The following STK32A variants were observed in gnomAD, a reference collection of about 807,000 sequenced individuals.
The protein encoded by STK32A is serine/threonine kinase 32A.
In STK32A, 41 loss-of-function variants were observed where a neutral mutation model predicts 53.2. The observed-to-expected ratio is 0.77, with a 90% CI of 0.60 to 1.00. The LOEUF is 1.00. STK32A is among the 50% of genes least tolerant of loss of function. The pLI, the probability that STK32A is intolerant of heterozygous loss-of-function variation, is 0.00. For missense variants in STK32A, 458 were observed against 485.8 expected, an observed-to-expected ratio of 0.94 and a Z score of 0.54; for synonymous variants, 166 against 162.8, an observed-to-expected ratio of 1.02 and a Z score of -0.15.
intron 2 of STK32A, among the ~76,000 whole-genome samples, chr5:147,259,858 C>T (rs10074974): frequency 0.3 from 41,827 of 137,172 alleles, 6,357 homozygotes; most frequent in Admixed American, 0.37. Context: ...CTCCTCTCTC[C>T]CTCTCTTCTG....
chr5:147,314,498 C>CAAAA lies in STK32A; in HGVS notation c.261-9395_261-9392dup, dbSNP rs1171767950. Among the ~76,000 whole-genome samples the CAAAA allele has an allele frequency of 1.2e-3, 13 of 10,612 alleles. 2 individuals are homozygous for CAAAA. The highest frequency in any genetic ancestry group is 8.7e-3 in the African/African-American group (13 of 1,502). The allele number at this position is 10,612 out of a possible 152,430, so 7.0% of individuals were successfully genotyped here. ...GGGCAACAAGAGCGAAACTCCATAT[C>CAAAA]AAAAAAAACAAAAAAAAACAAAAAA... On this transcript the variant is annotated intron_variant, in intron 4 of 12. Coordinates refer to ENST00000397936, the MANE Select transcript of STK32A (RefSeq NM_001112724.2).
chr5:147,348,370 T>G (rs920332935), intron 6 of STK32A, among the ~76,000 whole-genome samples: 1 of 152,224 alleles, frequency 6.6e-6, no homozygotes, highest in African/African-American at 2.4e-5. Context: ...TCAAACTTTA[T>G]TAGGTCTCAT....
At chr5:147,306,562 A>G (rs114271513) in intron 4 of STK32A, among the ~76,000 whole-genome samples, 4,824 of 150,904 alleles carry the variant, frequency 0.032, 278 homozygotes, top group African/African-American at 0.11. Flanking sequence ...TATTATATAT[A>G]ATATTTTATA....
rs1466622672 is a variant in STK32A at position 147,260,086 on chromosome 5, CCTCTGT to C, written c.53-18022_53-18017del. On this transcript the variant is annotated intron_variant, in intron 2 of 12. Transcript: ENST00000397936. Reference sequence around the variant, plus strand: ...TCCCCTCTCTCCTGTCTCTCGCTCTCCTCTGTCTCTGTCTCTGTCTCCTCTCTGTCC... The same window carrying C: ...TCCCCTCTCTCCTGTCTCTCGCTCTCCTCTGTCTCTGTCTCCTCTCTGTCC... Among the ~76,000 whole-genome samples the C allele has an allele frequency of 3.3e-4, 40 of 120,952 alleles. 1 individual carries two copies. The highest frequency in any genetic ancestry group is 4.7e-4 in the East Asian group (2 of 4,292). 79.3% of individuals were successfully genotyped at this position (120,952 alleles called of 152,430 possible). A position where few individuals can be genotyped will look rare whatever the true frequency, so the allele number is the denominator to read the frequency against.
At chr5:147,396,500 G>A in the STK32A span, among the ~76,000 whole-genome samples, 3 of 152,270 alleles carry the variant, frequency 2.0e-5, no homozygotes, top group Admixed American at 6.5e-5. Flanking sequence ...CAATGAGGAC[G>A]CGCTGCCAGA....
intron 2 of STK32A, among the ~76,000 whole-genome samples, chr5:147,260,063 CCCT>C (rs1754445858): frequency 7.3e-6 from 1 of 137,836 alleles, no homozygotes; most frequent in African/African-American, 2.8e-5. Context: ...TCTCTCTCTC[CCCT>C]CTCTCCTGTC....
intron 5 of STK32A, among the ~76,000 whole-genome samples, chr5:147,337,531 A>G (rs1419250656): frequency 1.3e-5 from 2 of 152,146 alleles, no homozygotes; most frequent in African/African-American, 2.4e-5. Flanking sequence ...AAAGACATGC[A>G]GGGCTTAGTA....
At chr5:147,388,358 C>G (rs1468548259), downstream of STK32A, among the ~76,000 whole-genome samples, 1 of 152,216 alleles carries the variant, frequency 6.6e-6, no homozygotes, top group East Asian at 1.9e-4. Context: ...CACCACCTCT[C>G]AGACCCACAG....
chr5:147,254,707 A>G (rs1359708050), intron 2 of STK32A, among the ~76,000 whole-genome samples: 1 of 152,114 alleles, frequency 6.6e-6, no homozygotes, highest in African/African-American at 2.4e-5. Context: ...ATTTAAAGAG[A>G]ATGACGGGGT....
At position 147,314,444 on chromosome 5, in the gene STK32A, G is replaced by A. The variant is rs531804671; in HGVS notation, c.261-9454G>A. Among the ~76,000 whole-genome samples the A allele has an allele frequency of 4.6e-3, 677 of 147,614 alleles. 3 individuals are homozygous for A. The highest frequency in any genetic ancestry group is 7.1e-3 in the Non-Finnish European group (482 of 67,544). Reference sequence around the variant, plus strand: ...ACCTGGGAGGTAGAGGTTGCAGGGCGTGGAGATTGTGCCATTGCACTCCAG... The same window carrying A: ...ACCTGGGAGGTAGAGGTTGCAGGGCATGGAGATTGTGCCATTGCACTCCAG... On this transcript the variant is annotated intron_variant, in intron 4 of 12. Coordinates refer to ENST00000397936, the MANE Select transcript of STK32A (RefSeq NM_001112724.2).
At chr5:147,247,711 A>G (rs908845928) in intron 2 of STK32A, among the ~76,000 whole-genome samples, 3 of 152,258 alleles carry the variant, frequency 2.0e-5, no homozygotes, top group African/African-American at 7.2e-5. Context: ...GCAGAAACAA[A>G]TGAACATGGC....
At position 147,286,868 on chromosome 5, in the gene STK32A, T is replaced by C. The variant is rs141705905; in HGVS notation, c.260+7470T>C. On this transcript the variant is annotated intron_variant, in intron 4 of 12. Coordinates refer to ENST00000397936, the MANE Select transcript of STK32A (RefSeq NM_001112724.2). ...CTGACTGGGAAGGAGTTCAGATGTCTTACTAGTTATTAGATACTTTCTTTC... is the reference window on the plus strand; with the variant it reads ...CTGACTGGGAAGGAGTTCAGATGTCCTACTAGTTATTAGATACTTTCTTTC... 5.4e-4 allele frequency among the ~76,000 whole-genome samples: 82 copies of C among 152,292 alleles called. No individual in the cohort carries two copies. In the East Asian group the frequency reaches 0.015, roughly 28 times the overall value.
chr5:147,260,742 C>G (rs890495137), intron 2 of STK32A, among the ~76,000 whole-genome samples: 5 of 152,136 alleles, frequency 3.3e-5, no homozygotes, highest in African/African-American at 1.2e-4. Flanking sequence ...TCAGGCCCCT[C>G]TTAGTGTTGG....
rs75282915 is a variant in STK32A at position 147,342,183 on chromosome 5, T to C, written c.435-823T>C. On this transcript the variant is annotated intron_variant, in intron 5 of 12. Transcript: ENST00000397936. ...ACATTCTCAGCCTAGTCAAATAGCT[T>C]TCATGCTGCTAGAATAAAAATACCT... Among the ~76,000 whole-genome samples, 456 of 152,328 alleles carry C rather than the reference T, an allele frequency of 3.0e-3. 2 individuals are homozygous for C. Among genetic ancestry groups the C allele is most frequent in the Non-Finnish European group, 5.0e-3 (337 of 68,032 alleles).
intron 2 of STK32A, among the ~76,000 whole-genome samples, chr5:147,244,118 T>C (rs1175764798): frequency 6.6e-6 from 1 of 152,226 alleles, no homozygotes; most frequent in Non-Finnish European, 1.5e-5. Flanking sequence ...ATGTACCTCA[T>C]ATAAATGGAA....
chr5:147,240,765 A>G (rs57799250), intron 2 of STK32A, among the ~76,000 whole-genome samples: 1,996 of 152,344 alleles, frequency 0.013, 42 homozygotes, highest in African/African-American at 0.045. Flanking sequence ...TTCTCATGTG[A>G]CAATCTAGGC....
At chr5:147,292,036 T>G (rs932416014) in intron 4 of STK32A, among the ~76,000 whole-genome samples, 2 of 152,196 alleles carry the variant, frequency 1.3e-5, no homozygotes, top group Non-Finnish European at 2.9e-5. Flanking sequence ...GCCTGTAGCA[T>G]CTACATAAAT....
At chr5:147,237,297 A>G (rs1753365414) in intron 1 of STK32A, among the ~76,000 whole-genome samples, 1 of 151,844 alleles carries the variant, frequency 6.6e-6, no homozygotes, top group South Asian at 2.1e-4. Context: ...TGGGCAACAG[A>G]GCAAGACTCC....
chr5:147,269,940 C>A (rs1754959016), intron 2 of STK32A, among the ~76,000 whole-genome samples: 2 of 152,220 alleles, frequency 1.3e-5, no homozygotes, highest in East Asian at 3.9e-4. Flanking sequence ...AGCAGAATGA[C>A]TTTTTGGGAA....
Sources: gnomAD v4.1 joint callset for allele counts (sites outside exome capture counted in the v4.1 genomes callset) on GRCh38, gnomAD v4.1.1 for gene constraint, MANE v1.5 for transcripts, NCBI Gene and HGNC (gene_info 2026-07-23, HGNC 2026-07-21) for gene names.